The following ZYG11A variants were observed in gnomAD, a reference collection of about 807,000 sequenced individuals.
ZYG11A encodes zyg-11 family member A, cell cycle regulator, also known as protein zyg-11 homolog A.
In ZYG11A, 62 loss-of-function variants were observed where a neutral mutation model predicts 77.2. The observed-to-expected ratio is 0.80, with a 90% confidence interval of 0.65 to 0.99. ZYG11A has a LOEUF of 0.99. Among genes scored for constraint, ZYG11A ranks in the 50% least tolerant of loss-of-function variants. The pLI, the probability that ZYG11A is intolerant of heterozygous loss-of-function variation, is 0.00. For missense variants in ZYG11A, 828 were observed against 896.8 expected, an observed-to-expected ratio of 0.92 and a Z score of 0.98; for synonymous variants, 315 against 324.6, an observed-to-expected ratio of 0.97 and a Z score of 0.32.
chr1:52,865,966 C>A (rs1478306116), intron 5 of ZYG11A, among the ~76,000 whole-genome samples: 1 of 117,408 alleles, frequency 8.5e-6, no homozygotes, highest in African/African-American at 3.4e-5. Flanking sequence ...GAGATGGAGT[C>A]TCGCTCTGTC....
Position 52,860,994 on chromosome 1 carries a change from T to C in ZYG11A, c.1149+123T>C, listed in dbSNP as rs890289006. On this transcript the variant is annotated intron_variant, in intron 4 of 13. Transcript: ENST00000371528. ...TTCTATAGTGAGTCAAGTGCTCTCA[T>C]AGAGCAAAGAATGTTAAGCTTAGCT... is the stretch of plus-strand genomic sequence containing the variant. The C allele has an allele frequency of 8.5e-6, 8 of 940,226 alleles. No homozygotes were observed. In the African/African-American group the frequency reaches 1.3e-4, roughly 16 times the overall value. 58.2% of individuals were successfully genotyped at this position (940,226 alleles called of 1,614,324 possible).
intron 8 of ZYG11A, among the ~76,000 whole-genome samples, chr1:52,871,505 T>G (rs1195967211): frequency 6.6e-6 from 1 of 151,946 alleles, no homozygotes; most frequent in Non-Finnish European, 1.5e-5. Flanking sequence ...TTTATCTTTT[T>G]TTTTTTTTTG....
chr1:52,866,716 A>C, intron 6 of ZYG11A, 149 bp downstream of exon 6: 2 of 529,302 alleles, frequency 3.8e-6, no homozygotes, highest in South Asian at 6.1e-5. Flanking sequence ...CTACTAGAAA[A>C]TGTTGTCTCC....
chr1:52,846,358 ATATATATATT>A (rs1645583936), intron 1 of ZYG11A, among the ~76,000 whole-genome samples: 1 of 87,994 alleles, frequency 1.1e-5, no homozygotes, highest in African/African-American at 4.9e-5. Flanking sequence ...ATATATATAT[ATATATATATT>A]TTGAAACAGA....
Position 52,872,072 on chromosome 1 carries a change from CAA to C in ZYG11A, c.1542+4296_1542+4297del, listed in dbSNP as rs552003261. On this transcript the variant is annotated intron_variant, in intron 8 of 13. Transcript: ENST00000371528. ...TAGAGATGAAATCAAGAATAAAAAT[CAA>C]GAGTGATTTTGGATGTGTTCATTAC... Among the ~76,000 whole-genome samples the C allele has an allele frequency of 5.2e-3, 786 of 152,252 alleles. 2 individuals are homozygous for C. Among genetic ancestry groups the C allele is most frequent in the Non-Finnish European group, 7.6e-3 (515 of 68,002 alleles).
At chr1:52,858,345 A>C (rs1198983070) in intron 3 of ZYG11A, among the ~76,000 whole-genome samples, 11 of 149,656 alleles carry the variant, frequency 7.4e-5, no homozygotes, top group Non-Finnish European at 3.0e-5. Context: ...GCACCACTGC[A>C]CTCCAGCCTG....
chr1:52,850,214 A>C (rs568691617), intron 1 of ZYG11A, among the ~76,000 whole-genome samples: 131 of 151,882 alleles, frequency 8.6e-4, no homozygotes, highest in Admixed American at 2.6e-3. Context: ...GCAGTGGCAC[A>C]ATCTCAGCTC....
At chr1:52,862,144 G>A (rs913976390) in intron 4 of ZYG11A, among the ~76,000 whole-genome samples, 2 of 151,622 alleles carry the variant, frequency 1.3e-5, no homozygotes, top group African/African-American at 4.8e-5. Flanking sequence ...GGGAGGTGGA[G>A]GTTGCAGTGA....
intron 3 of ZYG11A, among the ~76,000 whole-genome samples, chr1:52,860,233 A>T (rs554019962): frequency 3.3e-5 from 5 of 152,110 alleles, no homozygotes; most frequent in Admixed American, 2.0e-4. Context: ...TAAAAAATAG[A>T]GGCGAGGTCT....
intron 1 of ZYG11A, among the ~76,000 whole-genome samples, chr1:52,843,547 C>G (rs1320987951): frequency 6.6e-6 from 1 of 151,986 alleles, no homozygotes; most frequent in Non-Finnish European, 1.5e-5. Context: ...TCTTTCAGTT[C>G]CGCGCGTCCG....
At chr1:52,886,222 G>T (rs1428351135) in intron 12 of ZYG11A, among the ~76,000 whole-genome samples, 2 of 152,008 alleles carry the variant, frequency 1.3e-5, no homozygotes, top group African/African-American at 2.4e-5. Flanking sequence ...GTGAGCCACC[G>T]TGCCTGGCCC....
chr1:52,885,268 A>T (rs1032495632), intron 11 of ZYG11A, among the ~76,000 whole-genome samples: 1 of 150,140 alleles, frequency 6.7e-6, no homozygotes, highest in Non-Finnish European at 1.5e-5. Flanking sequence ...CACGTGCCAA[A>T]TTTTTAAGTC....
chr1:52,850,306 G>A (rs968860808), intron 1 of ZYG11A, among the ~76,000 whole-genome samples: 2 of 151,284 alleles, frequency 1.3e-5, no homozygotes, highest in African/African-American at 4.9e-5. Context: ...CGCAAGCACC[G>A]GTACGCCCAG....
chr1:52,851,956 C>T (rs1638503182), intron 1 of ZYG11A, among the ~76,000 whole-genome samples: 1 of 151,090 alleles, frequency 6.6e-6, no homozygotes, highest in South Asian at 2.1e-4. Flanking sequence ...GCACTGTCAC[C>T]CGGGCTGGTG....
chr1:52,853,927 A>G (rs923895396), intron 1 of ZYG11A, among the ~76,000 whole-genome samples: 2 of 152,082 alleles, frequency 1.3e-5, no homozygotes, highest in African/African-American at 4.8e-5. Flanking sequence ...AAAGAACTTA[A>G]TGTTTTTCAA....
At chr1:52,870,744 G>A (rs1369125062) in intron 8 of ZYG11A, among the ~76,000 whole-genome samples, 1 of 152,138 alleles carries the variant, frequency 6.6e-6, no homozygotes, top group Non-Finnish European at 1.5e-5. Context: ...GCCTGCAGTC[G>A]CAGGCACTCG....
chr1:52,872,260 C>A (rs1646181455), intron 8 of ZYG11A, among the ~76,000 whole-genome samples: 1 of 152,084 alleles, frequency 6.6e-6, no homozygotes, highest in African/African-American at 2.4e-5. Context: ...TGCTACCATG[C>A]CCAGCTAATT....
chr1:52,890,682 C>T (rs182685225), intron 13 of ZYG11A, among the ~76,000 whole-genome samples: 25 of 151,976 alleles, frequency 1.6e-4, no homozygotes, highest in Admixed American at 3.3e-4. Flanking sequence ...TCACAGCTCA[C>T]TGCTGCTTCA....
chr1:52,868,445 C>T (rs1557444064), intron 8 of ZYG11A, among the ~76,000 whole-genome samples: 1 of 152,238 alleles, frequency 6.6e-6, no homozygotes, highest in East Asian at 1.9e-4. Context: ...AATCATTAAT[C>T]AGTATTTATG....
Sources: allele counts gnomAD v4.1 joint callset (sites outside exome capture counted in the v4.1 genomes callset), GRCh38; gene constraint gnomAD v4.1.1; transcripts MANE v1.5; gene names NCBI Gene and HGNC (gene_info 2026-07-23, HGNC 2026-07-21).